The following CTNNA3 variants were observed in gnomAD, a reference collection of about 807,000 sequenced individuals.
The protein encoded by CTNNA3 is catenin alpha 3, also known as catenin alpha-3.
In CTNNA3, 76 loss-of-function variants were observed where a neutral mutation model predicts 95.7. That is an observed-to-expected ratio of 0.79 (90% CI 0.66 to 0.96). CTNNA3 has a LOEUF of 0.96. Among genes scored for constraint, CTNNA3 ranks in the 40% least tolerant of loss-of-function variants. CTNNA3 has a pLI of 0.00. For synonymous variants in CTNNA3, 431 were observed against 374.4 expected (o/e 1.15, Z -1.74); for missense variants, 1,191 against 1,089.8 (o/e 1.09, Z -1.31).
intron 5 of CTNNA3, among the ~76,000 whole-genome samples, chr10:67,259,991 GATTAAAGCACA>G (rs1866529529): frequency 6.6e-6 from 1 of 152,076 alleles, no homozygotes; most frequent in African/African-American, 2.4e-5. Context: ...CATTACCTTG[GATTAAAGCACA>G]ATTTCTTCAG....
In CTNNA3 at chr10:65,957,466, T is replaced by C. The variant is rs555610627; in HGVS notation, c.2400+9146A>G. On this transcript the variant is annotated intron_variant, in intron 17 of 17. Coordinates refer to ENST00000433211, the MANE Select transcript of CTNNA3 (RefSeq NM_013266.4). Reference sequence around the variant, plus strand: ...GCTGGTTATTTTGCTTGTTAGTTGATGCAGTTTCTTTCTAGCCTCGATGGT... The same window carrying C: ...GCTGGTTATTTTGCTTGTTAGTTGACGCAGTTTCTTTCTAGCCTCGATGGT... Among the ~76,000 whole-genome samples, 4 of 152,356 alleles carry C rather than the reference T, an allele frequency of 2.6e-5. No homozygotes were observed. The East Asian group carries it at 7.7e-4, about 29-fold the overall frequency.
At chr10:66,754,473 G>T (rs1839286786) in intron 9 of CTNNA3, among the ~76,000 whole-genome samples, 1 of 151,926 alleles carries the variant, frequency 6.6e-6, no homozygotes, top group African/African-American at 2.4e-5. Flanking sequence ...TCTTATAAAT[G>T]AAACCAAATG....
At chr10:66,159,563 T>C (rs749428228) in intron 13 of CTNNA3, among the ~76,000 whole-genome samples, 11 of 152,046 alleles carry the variant, frequency 7.2e-5, no homozygotes, top group Non-Finnish European at 1.6e-4. Context: ...TTAGCTAGTA[T>C]TTTGTTAAGG....
intron 5 of CTNNA3, among the ~76,000 whole-genome samples, chr10:67,456,126 C>A (rs1847164591): frequency 6.6e-6 from 1 of 151,982 alleles, no homozygotes; most frequent in Non-Finnish European, 1.5e-5. Flanking sequence ...AATGACCCAA[C>A]AAATCAAAAT....
At chr10:67,061,709 A>C (rs1007812680) in intron 7 of CTNNA3, among the ~76,000 whole-genome samples, 9 of 152,242 alleles carry the variant, frequency 5.9e-5, no homozygotes, top group Non-Finnish European at 1.3e-4. Context: ...ACGATATTTC[A>C]GCAGTTGTGT....
chr10:67,236,443 T>C (rs1410375743), intron 5 of CTNNA3, among the ~76,000 whole-genome samples: 2 of 145,216 alleles, frequency 1.4e-5, no homozygotes, highest in Non-Finnish European at 3.0e-5. Context: ...TTCTCACTCA[T>C]AGGTGGGAAT....
At chr10:66,332,861 C>T (rs2092347947) in intron 12 of CTNNA3, among the ~76,000 whole-genome samples, 1 of 151,938 alleles carries the variant, frequency 6.6e-6, no homozygotes, top group Admixed American at 6.6e-5. Flanking sequence ...TGGTCCTGGA[C>T]TTTTTTTGGT....
intron 7 of CTNNA3, among the ~76,000 whole-genome samples, chr10:66,836,709 C>G (rs1314530158): frequency 1.3e-5 from 2 of 152,030 alleles, no homozygotes; most frequent in African/African-American, 2.4e-5. Flanking sequence ...AATGCATGCT[C>G]TTAGAGTGAA....
intron 7 of CTNNA3, among the ~76,000 whole-genome samples, chr10:66,828,177 G>C (rs1182987729): frequency 6.6e-6 from 1 of 152,168 alleles, no homozygotes; most frequent in Non-Finnish European, 1.5e-5. Flanking sequence ...AGGAGAAAAG[G>C]TAAAAATTAT....
intron 14 of CTNNA3, among the ~76,000 whole-genome samples, chr10:66,076,456 C>T (rs1334490841): frequency 6.6e-6 from 1 of 151,528 alleles, no homozygotes; most frequent in Non-Finnish European, 1.5e-5. Flanking sequence ...TTAAAATTAA[C>T]ATTTAGGAAT....
chr10:66,088,671 T>C lies in CTNNA3; in HGVS notation c.1977+14486A>G, dbSNP rs141822793. Among the ~76,000 whole-genome samples, 18 of 152,192 alleles carry C rather than the reference T, an allele frequency of 1.2e-4. No homozygotes were observed. The East Asian group carries it at 3.5e-3, about 29-fold the overall frequency. On this transcript the variant is annotated intron_variant, in intron 14 of 17. Transcript: ENST00000433211. ...CCTGCAGACAGCTTACCCTAATTGG[T>C]ATCTCCACAAAGTGTTTGAGTATCA...
At chr10:66,208,567 A>C (rs1368752203) in intron 13 of CTNNA3, among the ~76,000 whole-genome samples, 2 of 152,084 alleles carry the variant, frequency 1.3e-5, no homozygotes, top group Non-Finnish European at 2.9e-5. Flanking sequence ...AAACCTTTCC[A>C]AAATAGTTTG....
intron 1 of CTNNA3, among the ~76,000 whole-genome samples, chr10:67,708,474 A>G (rs932147815): frequency 3.9e-5 from 6 of 152,138 alleles, no homozygotes; most frequent in Admixed American, 3.3e-4. Context: ...GACACGGAAC[A>G]CCTAGAATGA....
At chr10:65,924,393 T>C (rs1390283689) in intron 17 of CTNNA3, among the ~76,000 whole-genome samples, 1 of 152,076 alleles carries the variant, frequency 6.6e-6, no homozygotes, top group African/African-American at 2.4e-5. Flanking sequence ...AGCACCAGCC[T>C]CCATCCTTGA....
chr10:67,334,439 GAGA>G (rs1275688961), intron 5 of CTNNA3: 1 of 154,004 alleles, frequency 6.5e-6, no homozygotes, highest in Non-Finnish European at 1.4e-5. Flanking sequence ...GACAAAGCAA[GAGA>G]AGAAGAAAGC....
intron 5 of CTNNA3, among the ~76,000 whole-genome samples, chr10:67,309,807 T>C (rs1840706345): frequency 6.6e-6 from 1 of 152,176 alleles, no homozygotes; most frequent in Non-Finnish European, 1.5e-5. Context: ...TTATTAATCA[T>C]ACCATTGCCG....
rs369470081 is a variant in CTNNA3, at chr10:66,069,299, C to A, written c.2159+9G>T. The stretch of plus-strand genomic sequence containing the variant: ...TATGAATATTACACATCGTTTTCCA[C>A]ATAATTACCTAGTGAAGTCTGTCAT... On this transcript the variant is annotated intron_variant, in intron 15 of 17. Coordinates refer to ENST00000433211, the MANE Select transcript of CTNNA3 (RefSeq NM_013266.4). 1 of 1,611,416 alleles carries A rather than the reference C, an allele frequency of 6.2e-7. No individual in the cohort carries two copies. The highest frequency in any genetic ancestry group is 1.3e-5 in the African/African-American group (1 of 74,840).
chr10:66,719,005 C>T (rs534077441), intron 9 of CTNNA3, among the ~76,000 whole-genome samples: 1 of 152,290 alleles, frequency 6.6e-6, no homozygotes, highest in South Asian at 2.1e-4. Context: ...CTTCCATGAT[C>T]TGCGCTATCC....
chr10:67,013,216 T>G (rs2133045885), intron 7 of CTNNA3, among the ~76,000 whole-genome samples: 1 of 151,834 alleles, frequency 6.6e-6, no homozygotes, highest in Non-Finnish European at 1.5e-5. Context: ...GTCAAATGCA[T>G]CTGGTGTCTG....
Sources: gnomAD v4.1 joint callset for allele counts (sites outside exome capture counted in the v4.1 genomes callset) on GRCh38, gnomAD v4.1.1 for gene constraint, MANE v1.5 for transcripts, NCBI Gene and HGNC (gene_info 2026-07-23, HGNC 2026-07-21) for gene names.